RAVER1: variants seen among roughly 807,000 people sequenced by gnomAD.
The protein encoded by RAVER1 is ribonucleoprotein PTB-binding 1.
A neutral mutation model predicts 68.4 loss-of-function variants in RAVER1; 36 were observed. The ratio of observed to expected loss-of-function variants is 0.53; its 90% CI spans 0.40 to 0.70. RAVER1 has a LOEUF of 0.70. Ranked by LOEUF, RAVER1 falls within the 30% of genes least tolerant of loss-of-function variation. RAVER1 has a pLI of 0.00. For synonymous variants in RAVER1, 469 were observed against 472.7 expected, an observed-to-expected ratio of 0.99 and a Z score of 0.10; for missense variants, 933 against 1,019.8, an observed-to-expected ratio of 0.91 and a Z score of 1.16.
chr19:10,319,500 C>T (rs1025420476), intron 9 of RAVER1, among the ~76,000 whole-genome samples: 2 of 152,184 alleles, frequency 1.3e-5, no homozygotes, highest in Admixed American at 6.5e-5. Context: ...CCTGTGTTGG[C>T]GTTAGTTCCT....
intron 9 of RAVER1, 22 bp from the exon 10 acceptor site, chr19:10,319,262 A>T (rs2040416829): frequency 6.2e-7 from 1 of 1,612,112 alleles, no homozygotes; most frequent in South Asian, 1.1e-5. Flanking sequence ...CGGGAGAAGC[A>T]CATTGGGTTG....
intron 10 of RAVER1, 90 bp downstream of exon 10, chr19:10,319,076 A>G: frequency 8.3e-7 from 1 of 1,204,410 alleles, no homozygotes; most frequent in South Asian, 1.3e-5. Flanking sequence ...ACAAAATACA[A>G]GGTCTGCTGT....
chr19:10,316,938 G>A lies in RAVER1; in HGVS notation c.*516C>T, dbSNP rs1365408155. The A allele has an allele frequency of 1.8e-5, 3 of 165,034 alleles. No homozygotes were observed. The highest frequency in any genetic ancestry group is 3.9e-5 in the Non-Finnish European group (3 of 76,820). 10.2% of individuals were successfully genotyped at this position (165,034 alleles called of 1,614,324 possible). A position where few individuals can be genotyped will look rare whatever the true frequency, so the allele number is the denominator to read the frequency against. ...AAAAACAGCTGTTTCAAACCGCAAG[G>A]TGTGGAATGGTGGCCCGGACAGGCC... On this transcript the variant is annotated 3_prime_UTR_variant, in exon 13 of 13. Coordinates refer to ENST00000617231, the MANE Select transcript of RAVER1 (RefSeq NM_133452.3).
At chr19:10,318,156 G>C in intron 11 of RAVER1, 73 bp downstream of exon 11, 1 of 1,370,578 alleles carries the variant, frequency 7.3e-7, no homozygotes, top group South Asian at 1.4e-5. Context: ...GAGGGTTACA[G>C]AGCCCCGGTG....
At chr19:10,324,142 A>C (rs1393504478) in intron 3 of RAVER1, among the ~76,000 whole-genome samples, 1 of 149,480 alleles carries the variant, frequency 6.7e-6, no homozygotes, top group African/African-American at 2.4e-5. Context: ...CAACAAGAGC[A>C]AAACTCCATC....
At chr19:10,318,432 C>T (rs1480910856) in intron 10 of RAVER1, 60 bp from the exon 11 acceptor site, 16 of 1,350,968 alleles carry the variant, frequency 1.2e-5, no homozygotes, top group Admixed American at 1.0e-4. Context: ...CCTTTGTATA[C>T]AATCTTCCCT....
At chr19:10,320,621 C>T (rs1213888771) in intron 9 of RAVER1, 34 bp downstream of exon 9, 1 of 1,521,664 alleles carries the variant, frequency 6.6e-7, no homozygotes, top group Non-Finnish European at 8.8e-7. Context: ...ATGATTTGGC[C>T]TTAGGGGACA....
Position 10,323,241 on chromosome 19 carries a change from G to A in RAVER1, c.982C>T (p.Pro328Ser). ...TTGTTGAGCAGCTGCAGGATGTTGG[G>A]CTCGGGGAGGAGTCCCTTCCCCCGA... ...LNRGKGLLPE[P>S]NILQLLNNLG... Residue 328 changes from proline to serine, a missense_variant, in exon 5 of 13, where the codon CCC becomes TCC. This residue lies in a region of RAVER1 where 699 missense variants were observed against 731.1 expected (regional missense o/e 0.96). Coordinates refer to ENST00000617231, the MANE Select transcript of RAVER1 (RefSeq NM_133452.3). This position sits in a 1 kb window ranked among gnomAD's most constrained non-coding sequence, Gnocchi z 6.2. 6.2e-7 allele frequency: 1 copy of A among 1,613,320 alleles called. No homozygotes were observed. The highest frequency in any genetic ancestry group is 8.5e-7 in the Non-Finnish European group (1 of 1,179,494).
rs2040516739 is a variant in RAVER1 at position 10,331,392 on chromosome 19, A to AC, written c.220-867dup. Among the ~76,000 whole-genome samples the AC allele has an allele frequency of 1.9e-4, 14 of 72,596 alleles. 1 individual carries two copies. The highest frequency in any genetic ancestry group is 7.7e-4 in the African/African-American group (14 of 18,222). 47.6% of individuals were successfully genotyped at this position (72,596 alleles called of 152,430 possible). ...AAAAAAAAAAAAAAAAATAACAACAACAAAAAAAAAAAAAAAAAAAGAGGC... is the reference window on the plus strand; with the variant it reads ...AAAAAAAAAAAAAAAAATAACAACAACCAAAAAAAAAAAAAAAAAAAGAGGC... On this transcript the variant is annotated intron_variant, in intron 1 of 12. Coordinates refer to ENST00000617231, the MANE Select transcript of RAVER1 (RefSeq NM_133452.3).
rs557056656 is a variant in RAVER1 at position 10,322,598 on chromosome 19, G to A, written c.1173+47C>T. 1 of 1,316,612 alleles carries A rather than the reference G, an allele frequency of 7.6e-7. No individual in the cohort carries two copies. The highest frequency in any genetic ancestry group is 2.9e-5 in the East Asian group (1 of 35,054). The allele number at this position is 1,316,612 out of a possible 1,614,324, so 81.6% of individuals were successfully genotyped here. A position where few individuals can be genotyped will look rare whatever the true frequency, so the allele number is the denominator to read the frequency against. ...GATCGCACCAGCTGTGTTGAAAAGA[G>A]CCTGTAGGGGCTGTAGAGCAGTGGG... On this transcript the variant is annotated intron_variant, in intron 6 of 12. Coordinates refer to ENST00000617231, the MANE Select transcript of RAVER1 (RefSeq NM_133452.3). The surrounding 1 kb of genome is among the most constrained non-coding windows in gnomAD (Gnocchi z 4.3).
At chr19:10,331,391 AAC>A (rs1159444118) in intron 1 of RAVER1, among the ~76,000 whole-genome samples, 4,355 of 78,296 alleles carry the variant, frequency 0.056, 666 homozygotes, top group Middle Eastern at 0.085. Flanking sequence ...AAATAACAAC[AAC>A]AAAAAAAAAA....
Position 10,333,518 on chromosome 19 carries a change from C to G in RAVER1, c.-11G>C. On this transcript the variant is annotated 5_prime_UTR_variant, in exon 1 of 13. Coordinates refer to ENST00000617231, the MANE Select transcript of RAVER1 (RefSeq NM_133452.3). This position sits in a 1 kb window ranked among gnomAD's most constrained non-coding sequence, Gnocchi z 4.2. ...CACGTCCGCCGCCATCTTGGGAAAC[C>G]CGGCGCCTTCTGGGACCAGCGAGCC... 1 of 1,593,174 alleles carries G rather than the reference C, an allele frequency of 6.3e-7. No homozygotes were observed.
intron 3 of RAVER1, among the ~76,000 whole-genome samples, chr19:10,326,002 T>C (rs1286261393): frequency 6.6e-6 from 1 of 152,068 alleles, no homozygotes; most frequent in Non-Finnish European, 1.5e-5. Context: ...ACACCTGTAA[T>C]CTCAGCACTT....
In RAVER1 at chr19:10,333,440, G is replaced by A. The variant is rs761052794; in HGVS notation, c.68C>T (p.Ala23Val). 11 of 1,613,008 alleles carry A rather than the reference G, an allele frequency of 6.8e-6. No individual in the cohort carries two copies. The highest frequency in any genetic ancestry group is 4.5e-5 in the East Asian group (2 of 44,882). ...LSPKSGAEVEAGDAAERRAPE... is the reference protein window; with the variant it reads ...LSPKSGAEVEVGDAAERRAPE... ...CGCCCGGCGCTCCGCGGCATCGCCG[G>A]CTTCGACTTCGGCCCCAGACTTAGG... The change falls in exon 1 of 13, where the codon GCC (alanine) becomes GTC (valine). Residue 23 changes from alanine (A) to valine (V), a missense_variant. Ala to Val is a moderately conservative substitution (Grantham distance 64, BLOSUM62 0). Around this residue, in one of 3 missense-constraint regions of RAVER1, gnomAD observed 211 missense variants for 230.0 expected, o/e 0.92. Coordinates refer to ENST00000617231, the MANE Select transcript of RAVER1 (RefSeq NM_133452.3). This position sits in a 1 kb window ranked among gnomAD's most constrained non-coding sequence, Gnocchi z 4.2.
chr19:10,322,140 T>C lies in RAVER1; in HGVS notation c.1173+505A>G. 6.0e-6 allele frequency: 1 copy of C among 166,432 alleles called. No individual in the cohort carries two copies. Among genetic ancestry groups the C allele is most frequent in the South Asian group, 1.6e-4 (1 of 6,128 alleles). The allele number at this position is 166,432 out of a possible 1,614,324, so 10.3% of individuals were successfully genotyped here. A position where few individuals can be genotyped will look rare whatever the true frequency, so the allele number is the denominator to read the frequency against. The stretch of plus-strand genomic sequence containing the variant: ...GTGTCTGTGTCTATGTGTGTGTCTT[T>C]GTCTTATGTCTTTGTGTGTCTATGT... On this transcript the variant is annotated intron_variant, in intron 6 of 12. Coordinates refer to ENST00000617231, the MANE Select transcript of RAVER1 (RefSeq NM_133452.3). The surrounding 1 kb of genome is among the most constrained non-coding windows in gnomAD (Gnocchi z 4.3).
chr19:10,322,732 C>G lies in RAVER1; in HGVS notation c.1086G>C (p.Leu362=). 1.3e-6 allele frequency: 2 copies of G among 1,500,948 alleles called. No homozygotes were observed. The highest frequency in any genetic ancestry group is 2.7e-5 in the South Asian group (2 of 73,048). 93.0% of individuals were successfully genotyped at this position (1,500,948 alleles called of 1,614,324 possible). Residue 362 remains leucine (L), a synonymous_variant, in exon 6 of 13, where the codon CTG becomes CTC. Transcript: ENST00000617231. This position sits in a 1 kb window ranked among gnomAD's most constrained non-coding sequence, Gnocchi z 4.3. The stretch of plus-strand genomic sequence containing the variant: ...GCAGCGGCATGGCTGGGGGGGCACC[C>G]AGGAGGCCTGGAGGGAGACATAGGA... ...HGSAGGKQGL[L]GAPPAMPLLN... is the part of the protein sequence containing the mutation.
Position 10,317,472 on chromosome 19 carries a change from C to T in RAVER1, c.2202G>A (p.Lys734=). Residue 734 remains lysine (K), a synonymous_variant, in exon 13 of 13, where the codon AAG becomes AAA. Transcript: ENST00000617231. The surrounding 1 kb of genome is among the most constrained non-coding windows in gnomAD (Gnocchi z 4.3). The part of the protein sequence containing the change: ...LGGHYADSYL[K]RKRIF Reference sequence around the variant, plus strand: ...CAGCCACTTAGAAAATCCTCTTCCGCTTCAGGTAGGAGTCCGCGTAGTGGC... The same window carrying T: ...CAGCCACTTAGAAAATCCTCTTCCGTTTCAGGTAGGAGTCCGCGTAGTGGC... 6.2e-7 allele frequency: 1 copy of T among 1,613,950 alleles called. No individual in the cohort carries two copies. The highest frequency in any genetic ancestry group is 8.5e-7 in the Non-Finnish European group (1 of 1,179,810).
intron 2 of RAVER1, 25 bp downstream of exon 2, chr19:10,330,435 T>A: frequency 8.0e-7 from 1 of 1,257,208 alleles, no homozygotes; most frequent in Non-Finnish European, 1.1e-6. Flanking sequence ...CTCCCTGCCC[T>A]GGCCCGCCCC....
In RAVER1 at chr19:10,321,235, G is replaced by A. The variant is rs535147702; in HGVS notation, c.1286C>T (p.Pro429Leu). 1.1e-5 allele frequency: 14 copies of A among 1,272,358 alleles called. No homozygotes were observed. Among genetic ancestry groups the A allele is most frequent in the South Asian group, 3.2e-5 (1 of 31,718 alleles). 78.8% of individuals were successfully genotyped at this position (1,272,358 alleles called of 1,614,324 possible). A position where few individuals can be genotyped will look rare whatever the true frequency, so the allele number is the denominator to read the frequency against. ...GGGTGGTGGCTTCCCTCGCCGGGGCGGCAGCTCCGGGGGCAGGCCCCCTCC... is the reference window on the plus strand; with the variant it reads ...GGGTGGTGGCTTCCCTCGCCGGGGCAGCAGCTCCGGGGGCAGGCCCCCTCC... ...PAGGGLPPEL[P>L]PRRGKPPPLL... The change falls in exon 8 of 13, where the codon CCG becomes CTG. Residue 429 changes from proline to leucine, a missense_variant. By Grantham distance (98) the Pro-to-Leu change is moderately conservative. Transcript: ENST00000617231.
Sources: allele counts gnomAD v4.1 joint callset (sites outside exome capture counted in the v4.1 genomes callset), GRCh38; gene constraint gnomAD v4.1.1; regional missense constraint gnomAD v4.1.1; non-coding constraint Gnocchi (gnomAD v3.1); transcripts MANE v1.5; gene names NCBI Gene and HGNC (gene_info 2026-07-23, HGNC 2026-07-21).